TTC38: variants seen among roughly 807,000 people sequenced by gnomAD.
TTC38 encodes tetratricopeptide repeat domain 38, also known as tetratricopeptide repeat protein 38.
In TTC38, 64 loss-of-function variants were observed where a neutral mutation model predicts 64.2. That is an observed-to-expected ratio of 1.00 (90% CI 0.81 to 1.23). The LOEUF (loss-of-function observed/expected upper bound fraction) is 1.23, where lower values mean the gene tolerates loss of function less well. Ranked by LOEUF, TTC38 falls within the 50% of genes most tolerant of loss-of-function variation. The pLI is 0.00. For synonymous variants in TTC38, 254 were observed against 249.3 expected, an observed-to-expected ratio of 1.02 and a Z score of -0.18; for missense variants, 573 against 615.5, an observed-to-expected ratio of 0.93 and a Z score of 0.73.
At chr22:46,277,931 C>T (rs2077505393) in intron 5 of TTC38, among the ~76,000 whole-genome samples, 1 of 152,190 alleles carries the variant, frequency 6.6e-6, no homozygotes, top group African/African-American at 2.4e-5. Context: ...ACCCTTGTTA[C>T]TCTCAGTGGA....
In TTC38 at chr22:46,274,027, G is replaced by A; in HGVS notation, c.323G>A (p.Arg108Gln). The A allele has an allele frequency of 3.7e-6, 6 of 1,614,202 alleles. No homozygotes were observed. Among genetic ancestry groups the A allele is most frequent in the Non-Finnish European group, 5.1e-6 (6 of 1,180,046 alleles). The change falls in exon 4 of 14, where the codon CGG becomes CAG. Residue 108 changes from arginine to glutamine, a missense_variant. Arg to Gln is a conservative substitution (Grantham distance 43). Transcript: ENST00000381031. The surrounding 1 kb of genome is among the most constrained non-coding windows in gnomAD (Gnocchi z 4.8). Reference sequence around the variant, plus strand: ...TCAAGAACCCAGCCGCTGACAAGGCGGGAGCAGCTGCACGTGTCTGCAGTA... The same window carrying A: ...TCAAGAACCCAGCCGCTGACAAGGCAGGAGCAGCTGCACGTGTCTGCAGTA... ...EISRTQPLTR[R>Q]EQLHVSAVET...
At chr22:46,290,386 C>T (rs912248629) in intron 13 of TTC38, among the ~76,000 whole-genome samples, 14 of 150,484 alleles carry the variant, frequency 9.3e-5, no homozygotes, top group African/African-American at 3.2e-4. Flanking sequence ...CCCACAGACA[C>T]GTAAACTCGC....
rs922306743 is a variant in TTC38 at position 46,276,473 on chromosome 22, G to A, written c.539+1052G>A. Among the ~76,000 whole-genome samples the A allele has an allele frequency of 2.6e-5, 4 of 152,076 alleles. No individual in the cohort carries two copies. The highest frequency in any genetic ancestry group is 4.8e-5 in the African/African-American group (2 of 41,392). On this transcript the variant is annotated intron_variant, in intron 5 of 13. Transcript: ENST00000381031. This position sits in a 1 kb window ranked among gnomAD's most constrained non-coding sequence, Gnocchi z 4.7. ...AAGCTGAGGCGGTAGGATTGCTTGA[G>A]CCCAGGAGTTTGAGATAAGCTTGGT...
rs2077628452 is a variant in TTC38, at chr22:46,293,137, C to T, written c.*253C>T. On this transcript the variant is annotated 3_prime_UTR_variant, in exon 14 of 14. Transcript: ENST00000381031. The surrounding 1 kb of genome is among the most constrained non-coding windows in gnomAD (Gnocchi z 6.6). Reference sequence around the variant, plus strand: ...GCCAGTGTGAGTGCTGCTCTTTCCACCTGCCTTGCAAATTCTGTTTCCCAG... The same window carrying T: ...GCCAGTGTGAGTGCTGCTCTTTCCATCTGCCTTGCAAATTCTGTTTCCCAG... 4 of 456,162 alleles carry T rather than the reference C, an allele frequency of 8.8e-6. No homozygotes were observed. The highest frequency in any genetic ancestry group is 1.6e-5 in the Non-Finnish European group (4 of 246,820). 28.3% of individuals were successfully genotyped at this position (456,162 alleles called of 1,614,324 possible). A position where few individuals can be genotyped will look rare whatever the true frequency, so the allele number is the denominator to read the frequency against.
Position 46,272,396 on chromosome 22 carries a change from A to G in TTC38, c.173A>G (p.Lys58Arg), listed in dbSNP as rs1458859387. The G allele has an allele frequency of 1.2e-6, 2 of 1,613,870 alleles. No homozygotes were observed. Among genetic ancestry groups the G allele is most frequent in the Non-Finnish European group, 1.7e-6 (2 of 1,179,886 alleles). The change falls in exon 3 of 14, where the codon AAA (lysine) becomes AGA (arginine). Residue 58 changes from lysine (K) to arginine (R), a missense_variant. Around this residue, in one of 3 missense-constraint regions of TTC38, gnomAD observed 134 missense variants for 126.5 expected, o/e 1.06. Coordinates refer to ENST00000381031, the MANE Select transcript of TTC38 (RefSeq NM_017931.4). The surrounding 1 kb of genome is among the most constrained non-coding windows in gnomAD (Gnocchi z 6.4). ...ATCGAGGGCTGCCTGTCAAAGCTCAAAGCAGCAGATCCAACCTTTGGTGAG... is the reference window on the plus strand; with the variant it reads ...ATCGAGGGCTGCCTGTCAAAGCTCAGAGCAGCAGATCCAACCTTTGGTGAG... ...GGIEGCLSKL[K>R]AADPTFVMGH...
intron 6 of TTC38, among the ~76,000 whole-genome samples, chr22:46,279,479 G>A (rs2077517618): frequency 6.6e-6 from 1 of 152,220 alleles, no homozygotes; most frequent in Non-Finnish European, 1.5e-5. Context: ...ATGGCTCAGA[G>A]ATGGCAGAGC....
intron 13 of TTC38, 44 bp downstream of exon 13, chr22:46,289,943 T>C: frequency 6.4e-7 from 1 of 1,562,430 alleles, no homozygotes; most frequent in Non-Finnish European, 8.8e-7. Flanking sequence ...CTTCACAGGC[T>C]CTCCCTGCAG....
chr22:46,269,098 C>CA (rs1555886065), intron 2 of TTC38: 6 of 424,196 alleles, frequency 1.4e-5, no homozygotes, highest in Non-Finnish European at 2.4e-5. Context: ...GCCCCCCCCC[C>CA]ACAGCGTCCT....
chr22:46,290,283 G>A (rs1413195446), intron 13 of TTC38, among the ~76,000 whole-genome samples: 1 of 152,246 alleles, frequency 6.6e-6, no homozygotes, highest in Admixed American at 6.5e-5. Flanking sequence ...GCCTGCCTGT[G>A]CTGGGTACCG....
chr22:46,273,124 C>T lies in TTC38; in HGVS notation c.193+708C>T, dbSNP rs568533715. Among the ~76,000 whole-genome samples the T allele has an allele frequency of 5.3e-5, 8 of 152,252 alleles. No homozygotes were observed. Among genetic ancestry groups the T allele is most frequent in the African/African-American group, 1.2e-4 (5 of 41,560 alleles). Reference sequence around the variant, plus strand: ...AAACAAGGAAATAACTGGGGGAGAACGGGGGAGCCAAACCCAGTCATGGGG... The same window carrying T: ...AAACAAGGAAATAACTGGGGGAGAATGGGGGAGCCAAACCCAGTCATGGGG... On this transcript the variant is annotated intron_variant, in intron 3 of 13. Transcript: ENST00000381031. The surrounding 1 kb of genome is among the most constrained non-coding windows in gnomAD (Gnocchi z 5.1).
Position 46,275,493 on chromosome 22 carries a change from T to C in TTC38, c.539+72T>C. On this transcript the variant is annotated intron_variant, in intron 5 of 13. Transcript: ENST00000381031. This position sits in a 1 kb window ranked among gnomAD's most constrained non-coding sequence, Gnocchi z 4.5. ...TTTTCTGCCCTAAAAATATGGTGACTCTCTTGGCCCTGTCCTAAAAATAAT... is the reference window on the plus strand; with the variant it reads ...TTTTCTGCCCTAAAAATATGGTGACCCTCTTGGCCCTGTCCTAAAAATAAT... 3.4e-6 allele frequency: 5 copies of C among 1,468,030 alleles called. No homozygotes were observed. The highest frequency in any genetic ancestry group is 2.0e-5 in the Admixed American group (1 of 50,958). 90.9% of individuals were successfully genotyped at this position (1,468,030 alleles called of 1,614,324 possible). A position where few individuals can be genotyped will look rare whatever the true frequency, so the allele number is the denominator to read the frequency against.
rs909358733 is a variant in TTC38 at position 46,293,459 on chromosome 22, T to A, written c.*575T>A. Reference sequence around the variant, plus strand: ...GCTGCCTTTGGACGCAGCCCCCTGCTGCTGCATCCACCACCCTTCTTACAG... The same window carrying A: ...GCTGCCTTTGGACGCAGCCCCCTGCAGCTGCATCCACCACCCTTCTTACAG... On this transcript the variant is annotated 3_prime_UTR_variant, in exon 14 of 14. Transcript: ENST00000381031. The surrounding 1 kb of genome is among the most constrained non-coding windows in gnomAD (Gnocchi z 6.6). 1.3e-5 allele frequency: 2 copies of A among 153,628 alleles called. No individual in the cohort carries two copies. The highest frequency in any genetic ancestry group is 4.8e-5 in the African/African-American group (2 of 41,460). The allele number at this position is 153,628 out of a possible 1,614,324, so 9.5% of individuals were successfully genotyped here. A position where few individuals can be genotyped will look rare whatever the true frequency, so the allele number is the denominator to read the frequency against.
At chr22:46,278,459 C>T (rs574153145) in intron 5 of TTC38, 127 bp from the exon 6 acceptor site, 50 of 764,416 alleles carry the variant, frequency 6.5e-5, no homozygotes, top group South Asian at 3.6e-4. Context: ...TGCAAAGACC[C>T]TATTTCCAAA....
chr22:46,287,149 TG>T lies in TTC38; in HGVS notation c.913del (p.Glu305LysfsTer33). On this transcript the variant is annotated frameshift_variant, in exon 10 of 14. Transcript: ENST00000381031. LOFTEE classifies it high-confidence loss of function. ...DSCSMLYRLQ[M>X]EGVSVGQRWQ... Reference sequence around the variant, plus strand: ...TGCTCCATGCTCTACCGCCTGCAGATGGAAGGTAGCCATCCCTGCAGCCCCA... The same window carrying T: ...TGCTCCATGCTCTACCGCCTGCAGATGAAGGTAGCCATCCCTGCAGCCCCA... 1 of 1,601,846 alleles carries T rather than the reference TG, an allele frequency of 6.2e-7. No individual in the cohort carries two copies. Among genetic ancestry groups the T allele is most frequent in the Non-Finnish European group, 8.5e-7 (1 of 1,173,570 alleles).
chr22:46,281,563 C>T lies in TTC38; in HGVS notation c.616-36C>T. On this transcript the variant is annotated intron_variant, in intron 6 of 13. Coordinates refer to ENST00000381031, the MANE Select transcript of TTC38 (RefSeq NM_017931.4). This position sits in a 1 kb window ranked among gnomAD's most constrained non-coding sequence, Gnocchi z 5.2. ...CTGCCCCGGCAGCCTGACTGATCTGCTTTATCTGGAATCCTCTTCCCCGCA... is the reference window on the plus strand; with the variant it reads ...CTGCCCCGGCAGCCTGACTGATCTGTTTTATCTGGAATCCTCTTCCCCGCA... 1 of 1,610,548 alleles carries T rather than the reference C, an allele frequency of 6.2e-7. No individual in the cohort carries two copies. Among genetic ancestry groups the T allele is most frequent in the Non-Finnish European group, 8.5e-7 (1 of 1,177,876 alleles).
rs1360869306 is a variant in TTC38, at chr22:46,268,587, C to A, written c.107C>A (p.Thr36Asn). 6.2e-7 allele frequency: 1 copy of A among 1,613,910 alleles called. No homozygotes were observed. Among genetic ancestry groups the A allele is most frequent in the Admixed American group, 1.7e-5 (1 of 60,032 alleles). Residue 36 changes from threonine (T) to asparagine (N), a missense_variant, in exon 2 of 14, where the codon ACC becomes AAC. Thr to Asn is a moderately conservative substitution (Grantham distance 65). Around this residue, in one of 3 missense-constraint regions of TTC38, gnomAD observed 134 missense variants for 126.5 expected, o/e 1.06. Coordinates refer to ENST00000381031, the MANE Select transcript of TTC38 (RefSeq NM_017931.4). ...TGCAAGCTGTTCGATGCCACGCTGA[C>A]CCAGGTATGCCTGCCGAGAGAGGCC... ...EACKLFDATL[T>N]QYVKWTNDKS... is the part of the protein sequence containing the mutation.
At chr22:46,284,981 TCCACAGCAAC>T (rs1454469527) in intron 8 of TTC38, among the ~76,000 whole-genome samples, 2 of 152,046 alleles carry the variant, frequency 1.3e-5, no homozygotes, top group African/African-American at 2.4e-5. Context: ...AGAGAATGCT[TCCACAGCAAC>T]TGTTTCTTCA....
In TTC38 at chr22:46,276,745, A is replaced by AT. The variant is rs2077490412; in HGVS notation, c.539+1324_539+1325insT. On this transcript the variant is annotated intron_variant, in intron 5 of 13. Transcript: ENST00000381031. This position sits in a 1 kb window ranked among gnomAD's most constrained non-coding sequence, Gnocchi z 4.7. Reference sequence around the variant, plus strand: ...ATATATATATTAAAAAAATATATATAAAATACATATATTAAAAATATATAT... The same window carrying AT: ...ATATATATATTAAAAAAATATATATATAAATACATATATTAAAAATATATAT... Among the ~76,000 whole-genome samples, 2 of 126,978 alleles carry AT rather than the reference A, an allele frequency of 1.6e-5. No homozygotes were observed. Among genetic ancestry groups the AT allele is most frequent in the Non-Finnish European group, 3.1e-5 (2 of 64,652 alleles). The allele number at this position is 126,978 out of a possible 152,430, so 83.3% of individuals were successfully genotyped here. A position where few individuals can be genotyped will look rare whatever the true frequency, so the allele number is the denominator to read the frequency against.
At chr22:46,269,162 C>A in intron 2 of TTC38, 1 of 433,142 alleles carries the variant, frequency 2.3e-6, no homozygotes, top group Non-Finnish European at 4.7e-6. Context: ...GGTGGGTGGA[C>A]AGCGGTGGGT....
Sources: allele counts gnomAD v4.1 joint callset (sites outside exome capture counted in the v4.1 genomes callset), GRCh38; gene constraint gnomAD v4.1.1; regional missense constraint gnomAD v4.1.1; non-coding constraint Gnocchi (gnomAD v3.1); transcripts MANE v1.5; gene names NCBI Gene and HGNC (gene_info 2026-07-23, HGNC 2026-07-21).